NCKAP5: variants seen among roughly 807,000 people sequenced by gnomAD.
NCKAP5 encodes the protein NCK associated protein 5.
NCKAP5 carries 92 observed loss-of-function variants against 167.0 expected under a neutral mutation model. The observed-to-expected ratio is 0.55, with a 90% CI of 0.47 to 0.66. The LOEUF (loss-of-function observed/expected upper bound fraction) is 0.66. NCKAP5 is among the 30% of genes least tolerant of loss of function. The probability of loss-of-function intolerance (pLI) is 0.00; values close to 1 mark genes in which losing one functional copy is unlikely to be tolerated. For synonymous variants in NCKAP5, 891 were observed against 877.4 expected, an observed-to-expected ratio of 1.02 and a Z score of -0.27; for missense variants, 2,378 against 2,315.0, an observed-to-expected ratio of 1.03 and a Z score of -0.56.
chr2:133,403,700 C>G (rs1419845242), intron 3 of NCKAP5, among the ~76,000 whole-genome samples: 1 of 152,204 alleles, frequency 6.6e-6, no homozygotes, highest in Admixed American at 6.5e-5. Context: ...TGGAGAATGT[C>G]CCCACTTTGG....
At chr2:133,107,995 T>C (rs529491178) in intron 6 of NCKAP5, among the ~76,000 whole-genome samples, 3 of 152,364 alleles carry the variant, frequency 2.0e-5, no homozygotes, top group Non-Finnish European at 4.4e-5. Flanking sequence ...GTTGTATTAC[T>C]TACAGCCTAA....
chr2:132,716,228 C>T (rs1689357800), intron 19 of NCKAP5, among the ~76,000 whole-genome samples: 1 of 152,192 alleles, frequency 6.6e-6, no homozygotes, highest in African/African-American at 2.4e-5. Flanking sequence ...CATCCTCAAA[C>T]ATGCTCATGG....
At chr2:133,359,241 C>A (rs1186362544) in intron 3 of NCKAP5, among the ~76,000 whole-genome samples, 11 of 152,186 alleles carry the variant, frequency 7.2e-5, no homozygotes, top group Non-Finnish European at 1.5e-4. Context: ...CTCTGAAGTG[C>A]AAAGCAGGCA....
chr2:133,319,046 G>T (rs1681828308), intron 3 of NCKAP5, among the ~76,000 whole-genome samples: 1 of 152,026 alleles, frequency 6.6e-6, no homozygotes, highest in African/African-American at 2.4e-5. Context: ...GGTTTTAGGA[G>T]CCCTCCAGGT....
chr2:132,698,887 C>T (rs931162329), intron 19 of NCKAP5, among the ~76,000 whole-genome samples: 1 of 152,054 alleles, frequency 6.6e-6, no homozygotes, highest in Non-Finnish European at 1.5e-5. Context: ...TAAGGCCCTA[C>T]CCAGATCCAG....
Position 132,832,059 on chromosome 2 carries a change from A to G in NCKAP5, c.807+28433T>C, listed in dbSNP as rs1374737. Among the ~76,000 whole-genome samples the G allele has an allele frequency of 9.4e-3, 1,431 of 152,212 alleles. 15 individuals carry two copies. The highest frequency in any genetic ancestry group is 0.033 in the African/African-American group (1,376 of 41,556). On this transcript the variant is annotated intron_variant, in intron 11 of 19. Transcript: ENST00000409261. ...AGCCATATCATACTGTGTTGGTTGT[A>G]GCTTTATAATTTGTTTTGAAATTTG...
At chr2:133,022,399 C>T (rs570611228) in intron 6 of NCKAP5, among the ~76,000 whole-genome samples, 18 of 152,276 alleles carry the variant, frequency 1.2e-4, no homozygotes, top group South Asian at 4.1e-4. Context: ...AAATATGCTG[C>T]TTTGAAATGC....
intron 2 of NCKAP5, chr2:133,554,405 G>T (rs958752119): frequency 6.6e-6 from 1 of 152,132 alleles, no homozygotes; most frequent in Admixed American, 6.5e-5. Flanking sequence ...AAAGTACAAA[G>T]TAAAGATGAG....
At position 133,084,459 on chromosome 2, in the gene NCKAP5, C is replaced by T. The variant is rs2149604529; in HGVS notation, c.341+45519G>A. ...GTGACCTAGAGCAAGCTTCTGAAAC[C>T]AGCAGAATCTCCATTTCCTCACCTG... On this transcript the variant is annotated intron_variant, in intron 6 of 19. Transcript: ENST00000409261. Among the ~76,000 whole-genome samples the T allele has an allele frequency of 2.0e-5, 3 of 152,214 alleles. No individual in the cohort carries two copies. In the Middle Eastern group the frequency reaches 0.01, roughly 518 times the overall value.
chr2:132,867,191 C>G (rs952401067), intron 10 of NCKAP5, among the ~76,000 whole-genome samples: 2 of 151,948 alleles, frequency 1.3e-5, no homozygotes, highest in African/African-American at 4.8e-5. Flanking sequence ...TTCCTTGTCT[C>G]TTTCCTGAGG....
At chr2:133,406,042 C>T (rs952082074) in intron 3 of NCKAP5, among the ~76,000 whole-genome samples, 5 of 152,238 alleles carry the variant, frequency 3.3e-5, no homozygotes, top group Non-Finnish European at 7.3e-5. Flanking sequence ...AAAAAGCACT[C>T]TCTACAAAGC....
chr2:132,990,698 TA>T (rs1337895219), intron 7 of NCKAP5, among the ~76,000 whole-genome samples: 1 of 152,134 alleles, frequency 6.6e-6, no homozygotes, highest in Non-Finnish European at 1.5e-5. Flanking sequence ...ACTGGAAAGA[TA>T]GAGGCAAGGG....
intron 2 of NCKAP5, among the ~76,000 whole-genome samples, chr2:133,555,258 C>G (rs1225853683): frequency 6.6e-6 from 1 of 152,218 alleles, no homozygotes; most frequent in Non-Finnish European, 1.5e-5. Flanking sequence ...AATTCCACCA[C>G]TGTCTCCCTT....
chr2:133,627,019 A>G, the NCKAP5 span, among the ~76,000 whole-genome samples: 52 of 152,074 alleles, frequency 3.4e-4, 1 homozygote, highest in African/African-American at 1.2e-3. Flanking sequence ...ATAAATAATT[A>G]TTATTTCCTT....
intron 6 of NCKAP5, among the ~76,000 whole-genome samples, chr2:133,002,766 A>G (rs1321563214): frequency 6.6e-6 from 1 of 152,200 alleles, no homozygotes; most frequent in Non-Finnish European, 1.5e-5. Flanking sequence ...TGCTATCCAT[A>G]GGAACTATGC....
intron 9 of NCKAP5, among the ~76,000 whole-genome samples, chr2:132,872,276 G>A (rs1004148242): frequency 1.3e-5 from 2 of 152,156 alleles, no homozygotes; most frequent in Non-Finnish European, 2.9e-5. Context: ...CAAGGAGAGC[G>A]CCTGAGTACA....
chr2:132,699,007 A>G (rs1255790937), intron 19 of NCKAP5, among the ~76,000 whole-genome samples: 2 of 152,356 alleles, frequency 1.3e-5, no homozygotes, highest in African/African-American at 4.8e-5. Flanking sequence ...GATTTACCAC[A>G]ATATACACAA....
chr2:132,872,339 C>T (rs1690890981), intron 9 of NCKAP5, among the ~76,000 whole-genome samples: 1 of 152,208 alleles, frequency 6.6e-6, no homozygotes, highest in Non-Finnish European at 1.5e-5. Context: ...GCTCCTCTAA[C>T]ACATGGCTGA....
chr2:132,851,813 A>G (rs1039924746), intron 11 of NCKAP5, among the ~76,000 whole-genome samples: 1 of 152,174 alleles, frequency 6.6e-6, no homozygotes, highest in Non-Finnish European at 1.5e-5. Flanking sequence ...GCTGCTCCCA[A>G]GTGTTTCAGG....
Sources: gnomAD v4.1 joint callset for allele counts (sites outside exome capture counted in the v4.1 genomes callset) on GRCh38, gnomAD v4.1.1 for gene constraint, MANE v1.5 for transcripts, NCBI Gene and HGNC (gene_info 2026-07-23, HGNC 2026-07-21) for gene names.